Variants in MET observed in about 807,000 individuals in gnomAD.
MET encodes MET proto-oncogene, receptor tyrosine kinase.
MET carries 48 observed loss-of-function variants against 133.1 expected under a neutral mutation model. The ratio of observed to expected loss-of-function variants is 0.36; its 90% CI spans 0.29 to 0.46. The LOEUF is 0.46. Ranked by LOEUF, MET falls within the 20% of genes least tolerant of loss-of-function variation. The pLI is 1.00. For missense variants in MET, 1,442 were observed against 1,695.9 expected, an observed-to-expected ratio of 0.85 and a Z score of 2.63; for synonymous variants, 628 against 616.5, an observed-to-expected ratio of 1.02 and a Z score of -0.28.
intron 2 of MET, among the ~76,000 whole-genome samples, chr7:116,715,619 T>A (rs1217498767): frequency 6.6e-6 from 1 of 152,246 alleles, no homozygotes; most frequent in African/African-American, 2.4e-5. Context: ...GTCTTCTAAA[T>A]GAAGTGACCA....
At chr7:116,704,694 G>A (rs1254781638) in intron 2 of MET, among the ~76,000 whole-genome samples, 5 of 152,104 alleles carry the variant, frequency 3.3e-5, no homozygotes, top group Middle Eastern at 3.2e-3. Flanking sequence ...TGAGGGGGCA[G>A]AGGATGGGGA....
At chr7:116,696,861 A>G (rs1285120914) in intron 1 of MET, among the ~76,000 whole-genome samples, 1 of 152,190 alleles carries the variant, frequency 6.6e-6, no homozygotes, top group African/African-American at 2.4e-5. Flanking sequence ...CTCACTCAAG[A>G]CAGATACTGT....
chr7:116,751,108 A>G (rs1464364125), intron 5 of MET, among the ~76,000 whole-genome samples: 1 of 152,242 alleles, frequency 6.6e-6, no homozygotes, highest in East Asian at 1.9e-4. Flanking sequence ...TTCTAATATA[A>G]AGATACATGC....
intron 19 of MET, among the ~76,000 whole-genome samples, chr7:116,793,211 A>G (rs537381041): frequency 4.1e-5 from 6 of 146,986 alleles, no homozygotes; most frequent in South Asian, 2.2e-4. Context: ...GTCTCACTCT[A>G]TCGCCCAAGC....
rs771976817 is a variant in MET, at chr7:116,759,452, G to C, written c.2326G>C (p.Val776Leu). ...GAATTCAGTTAGTGTCCCGAGAATG[G>C]TCATAAATGTGCATGAAGCAGGAAG... is the stretch of plus-strand genomic sequence containing the variant. ...NLNSVSVPRMVINVHEAGRNF... is the reference protein window; with the variant it reads ...NLNSVSVPRMLINVHEAGRNF... Residue 776 changes from valine (V) to leucine (L), a missense_variant, in exon 10 of 21, where the codon GTC becomes CTC. By Grantham distance (32) the Val-to-Leu change is conservative (BLOSUM62 1). Transcript: ENST00000397752. 3.7e-6 allele frequency: 6 copies of C among 1,613,760 alleles called. No homozygotes were observed. The Admixed American group carries it at 1.0e-4, about 27-fold the overall frequency.
intron 15 of MET, among the ~76,000 whole-genome samples, chr7:116,776,695 A>G (rs1333491821): frequency 6.6e-6 from 1 of 152,196 alleles, no homozygotes; most frequent in Non-Finnish European, 1.5e-5. Context: ...TAATTAGTGA[A>G]TGACTTACAC....
chr7:116,732,608 G>A (rs1793060122), intron 3 of MET, among the ~76,000 whole-genome samples: 2 of 152,114 alleles, frequency 1.3e-5, no homozygotes, highest in African/African-American at 4.8e-5. Flanking sequence ...AATGACAATA[G>A]CATCTATGGA....
At chr7:116,693,039 G>T (rs557160157) in intron 1 of MET, among the ~76,000 whole-genome samples, 1 of 152,302 alleles carries the variant, frequency 6.6e-6, no homozygotes, top group Admixed American at 6.5e-5. Context: ...TATATGAAAA[G>T]TGAAAGTATT....
intron 1 of MET, among the ~76,000 whole-genome samples, chr7:116,677,224 G>A (rs1408817208): frequency 6.6e-6 from 1 of 152,122 alleles, no homozygotes; most frequent in African/African-American, 2.4e-5. Flanking sequence ...TGCTGATGGT[G>A]TGCAGCTTCT....
In MET at chr7:116,796,160, G is replaced by A. The variant is rs1295455580; in HGVS notation, c.*36G>A. On this transcript the variant is annotated 3_prime_UTR_variant, in exon 21 of 21. Transcript: ENST00000397752. ...ATGTCAAAGCAACAGTCCACACTTT[G>A]TCCAATGGTTTTTTCACTGCCTGAC... 1.3e-6 allele frequency: 2 copies of A among 1,593,594 alleles called. No individual in the cohort carries two copies. The highest frequency in any genetic ancestry group is 2.2e-5 in the East Asian group (1 of 44,780).
chr7:116,704,265 A>G (rs1791697133), intron 2 of MET, among the ~76,000 whole-genome samples: 1 of 152,104 alleles, frequency 6.6e-6, no homozygotes, highest in South Asian at 2.1e-4. Context: ...CCGTTGGGAG[A>G]CAGCATGGAC....
chr7:116,776,575 C>T (rs1421232917), intron 15 of MET, among the ~76,000 whole-genome samples: 2 of 152,114 alleles, frequency 1.3e-5, no homozygotes, highest in Non-Finnish European at 2.9e-5. Context: ...AGAATAGGAG[C>T]ACTCAAAAGC....
chr7:116,776,472 G>T (rs1449312008), intron 15 of MET, among the ~76,000 whole-genome samples: 1 of 152,060 alleles, frequency 6.6e-6, no homozygotes, highest in African/African-American at 2.4e-5. Flanking sequence ...ATCATGAAAG[G>T]TACTAAAATG....
intron 1 of MET, among the ~76,000 whole-genome samples, chr7:116,686,885 G>T (rs1468997280): frequency 6.6e-6 from 1 of 152,194 alleles, no homozygotes; most frequent in Non-Finnish European, 1.5e-5. Flanking sequence ...TACCTCAGCT[G>T]CACCTGAGCA....
intron 11 of MET, among the ~76,000 whole-genome samples, chr7:116,764,986 T>A (rs990154098): frequency 1.3e-5 from 2 of 152,074 alleles, no homozygotes; most frequent in African/African-American, 4.8e-5. Flanking sequence ...TATCAATACG[T>A]TAAGTTGATC....
chr7:116,731,939 A>ACC, intron 3 of MET, 80 bp downstream of exon 3: 3 of 1,371,866 alleles, frequency 2.2e-6, no homozygotes, highest in Non-Finnish European at 3.1e-6. Context: ...GCAGTAAGGT[A>ACC]TTTGCAAATA....
At position 116,740,001 on chromosome 7, in the gene MET, G is replaced by T. The variant is rs863224694; in HGVS notation, c.1444G>T (p.Asp482Tyr). 1 of 1,614,070 alleles carries T rather than the reference G, an allele frequency of 6.2e-7. No individual in the cohort carries two copies. Among genetic ancestry groups the T allele is most frequent in the Non-Finnish European group, 8.5e-7 (1 of 1,180,004 alleles). ...AACCCCTCATGTGAATTTTCTCCTGGACTCCCATCCAGTGTCTCCAGAAGT... is the reference window on the plus strand; with the variant it reads ...AACCCCTCATGTGAATTTTCTCCTGTACTCCCATCCAGTGTCTCCAGAAGT... ...PSTPHVNFLL[D>Y]SHPVSPEVIV... The change falls in exon 4 of 21, where the codon GAC (aspartate) becomes TAC (tyrosine). Residue 482 changes from aspartate (D) to tyrosine (Y), a missense_variant. Around this residue, in one of 6 missense-constraint regions of MET, gnomAD observed 762 missense variants for 792.4 expected, o/e 0.96. Transcript: ENST00000397752.
chr7:116,777,984 A>G (rs1326972153), intron 16 of MET, among the ~76,000 whole-genome samples: 2 of 152,228 alleles, frequency 1.3e-5, no homozygotes, highest in Admixed American at 1.3e-4. Flanking sequence ...GGCATTCCAC[A>G]TACATGAACT....
At chr7:116,769,878 T>G in intron 12 of MET, 87 bp downstream of exon 12, 1 of 1,577,322 alleles carries the variant, frequency 6.3e-7, no homozygotes, top group East Asian at 2.3e-5. Flanking sequence ...TCATTAAAGC[T>G]CATTTATGTG....
Sources: allele counts gnomAD v4.1 joint callset (sites outside exome capture counted in the v4.1 genomes callset), GRCh38; gene constraint gnomAD v4.1.1; regional missense constraint gnomAD v4.1.1; transcripts MANE v1.5; gene names NCBI Gene and HGNC (gene_info 2026-07-23, HGNC 2026-07-21).